Variants in GOLGA8M observed in about 807,000 individuals in gnomAD.
GOLGA8M encodes the protein golgin A8 family member M, also known as golgin subfamily A member 8M.
A neutral mutation model predicts 87.7 loss-of-function variants in GOLGA8M; 34 were observed. That is an observed-to-expected ratio of 0.39 (90% CI 0.29 to 0.52). The LOEUF (loss-of-function observed/expected upper bound fraction) is 0.52. Among genes scored for constraint, GOLGA8M ranks in the 20% least tolerant of loss-of-function variants. The probability of loss-of-function intolerance (pLI) is 0.80; values close to 1 mark genes in which losing one functional copy is unlikely to be tolerated. For synonymous variants in GOLGA8M, 138 were observed against 250.2 expected (o/e 0.55, Z 4.23); for missense variants, 396 against 682.2 (o/e 0.58, Z 4.67).
In GOLGA8M at chr15:28,705,467, A is replaced by C; in HGVS notation, c.1131+16T>G. The C allele has an allele frequency of 1.3e-6, 2 of 1,548,340 alleles. No individual in the cohort carries two copies. Among genetic ancestry groups the C allele is most frequent in the South Asian group, 2.3e-5 (2 of 86,544 alleles). On this transcript the variant is annotated intron_variant, in intron 12 of 18. Transcript: ENST00000563027. ...GGCTAGGGAGGAGGGCAAGCTCCCC[A>C]GTTTGGGCAACGCACCGGCTCCTCG... is the stretch of plus-strand genomic sequence containing the variant.
At chr15:28,711,782 C>T (rs2080203152) in intron 1 of GOLGA8M, 1 of 983,666 alleles carries the variant, frequency 1.0e-6, no homozygotes, top group Admixed American at 6.2e-5. Flanking sequence ...GTCGCTGCTC[C>T]ACGATGGGGG....
chr15:28,706,763 T>A, intron 8 of GOLGA8M, 64 bp from the exon 9 acceptor site: 2 of 1,455,628 alleles, frequency 1.4e-6, no homozygotes, highest in South Asian at 1.2e-5. Context: ...CAGTGCCCCT[T>A]AACAGGGCTC....
rs2140924886 is a variant in GOLGA8M, at chr15:28,705,733, G to T, written c.881C>A (p.Pro294His). ...LSKLKNQMAE[P>H]LPPEPPAVPS... is the part of the protein sequence containing the mutation. Reference sequence around the variant, plus strand: ...CACTGCTGGGGGCTCCGGGGGCAAGGGTTCAGCTGAGAAAGGAAGCAGACA... The same window carrying T: ...CACTGCTGGGGGCTCCGGGGGCAAGTGTTCAGCTGAGAAAGGAAGCAGACA... Residue 294 changes from proline to histidine, a missense_variant, in exon 12 of 19, where the codon CCC becomes CAC. By Grantham distance (77) the Pro-to-His change is moderately conservative. Coordinates refer to ENST00000563027, the MANE Select transcript of GOLGA8M (RefSeq NM_001282468.3). 3 of 1,567,024 alleles carry T rather than the reference G, an allele frequency of 1.9e-6. No individual in the cohort carries two copies. The highest frequency in any genetic ancestry group is 3.3e-5 in the East Asian group (1 of 30,316).
chr15:28,701,293 T>A lies in GOLGA8M; in HGVS notation c.*661A>T, dbSNP rs1410769847. On this transcript the variant is annotated 3_prime_UTR_variant, in exon 19 of 19. Transcript: ENST00000563027. ...AAACACACTCTATCCTGCACATACC[T>A]GCCAGAGGAAGCCACTTTCCTCTTC... 1.3e-5 allele frequency among the ~76,000 whole-genome samples: 2 copies of A among 151,342 alleles called. No homozygotes were observed. Among genetic ancestry groups the A allele is most frequent in the Non-Finnish European group, 2.9e-5 (2 of 68,028 alleles).
chr15:28,712,995 C>T (rs1044298717), upstream of GOLGA8M, among the ~76,000 whole-genome samples: 14 of 149,164 alleles, frequency 9.4e-5, no homozygotes, highest in African/African-American at 3.5e-4. Flanking sequence ...CCTATGTTTT[C>T]GTTAAGATTT....
intron 13 of GOLGA8M, among the ~76,000 whole-genome samples, chr15:28,704,131 A>G (rs692060): frequency 0.098 from 13,002 of 132,974 alleles, 1,454 homozygotes; most frequent in African/African-American, 0.24. Flanking sequence ...TCACAGGTCA[A>G]CTGCTGATAG....
At chr15:28,704,625 T>G (rs745416164) in intron 13 of GOLGA8M, among the ~76,000 whole-genome samples, 1 of 146,132 alleles carries the variant, frequency 6.8e-6, no homozygotes, top group Non-Finnish European at 1.5e-5. Context: ...TGGCCCAGGC[T>G]GGAGTGCAGT....
intron 8 of GOLGA8M, among the ~76,000 whole-genome samples, chr15:28,707,305 C>G (rs2080062521): frequency 7.3e-6 from 1 of 137,066 alleles, no homozygotes; most frequent in Non-Finnish European, 1.5e-5. Flanking sequence ...TTGCTCTCTC[C>G]TGAATTTTTT....
chr15:28,701,774 A>C lies in GOLGA8M; in HGVS notation c.*180T>G, dbSNP rs1180249926. 6.6e-6 allele frequency among the ~76,000 whole-genome samples: 1 copy of C among 151,924 alleles called. No homozygotes were observed. The highest frequency in any genetic ancestry group is 1.5e-5 in the Non-Finnish European group (1 of 67,974). On this transcript the variant is annotated 3_prime_UTR_variant, in exon 19 of 19. Transcript: ENST00000563027. ...GCCAGAGTGAACATCAGTGAGAGCC[A>C]CAGACACCCACTCTCTTTTAACTTT...
Position 28,702,665 on chromosome 15 carries a change from G to A in GOLGA8M, c.1449C>T (p.Tyr483=). Reference sequence around the variant, plus strand: ...CTCACTGATGGCATCTCTCTTGCCAGTATTGAATGAAGCGAAGTTCTTGTT... The same window carrying A: ...CTCACTGATGGCATCTCTCTTGCCAATATTGAATGAAGCGAAGTTCTTGTT... ...VKKQELRFIQ[Y]WQERCHQKIH... The change falls in exon 16 of 19, where the codon TAC becomes TAT. Residue 483 remains tyrosine (Y), a synonymous_variant. Transcript: ENST00000563027. The A allele has an allele frequency of 6.2e-7, 1 of 1,608,270 alleles. No individual in the cohort carries two copies. The highest frequency in any genetic ancestry group is 2.2e-5 in the East Asian group (1 of 44,762).
At position 28,701,861 on chromosome 15, in the gene GOLGA8M, C is replaced by G; in HGVS notation, c.*93G>C. The G allele has an allele frequency of 1.9e-6, 2 of 1,054,924 alleles. No homozygotes were observed. Among genetic ancestry groups the G allele is most frequent in the Non-Finnish European group, 1.4e-6 (1 of 737,718 alleles). The allele number at this position is 1,054,924 out of a possible 1,614,324, so 65.3% of individuals were successfully genotyped here. On this transcript the variant is annotated 3_prime_UTR_variant, in exon 19 of 19. Coordinates refer to ENST00000563027, the MANE Select transcript of GOLGA8M (RefSeq NM_001282468.3). ...AATAATCATGAGTGACTCTAACATT[C>G]AAAGGAAGTAAATGAATTGTGTAGG...
chr15:28,711,420 T>C, intron 1 of GOLGA8M: 2 of 820,026 alleles, frequency 2.4e-6, no homozygotes, highest in Non-Finnish European at 2.9e-6. Flanking sequence ...CTCTGGAAAG[T>C]AGAAGCCTGG....
rs779790821 is a variant in GOLGA8M at position 28,702,271 on chromosome 15, C to T, written c.1666G>A (p.Glu556Lys). 3 of 1,562,956 alleles carry T rather than the reference C, an allele frequency of 1.9e-6. No homozygotes were observed. Among genetic ancestry groups the T allele is most frequent in the South Asian group, 1.1e-5 (1 of 87,690 alleles). ...GGAGCTGGGGCTCCTGGACCGGGCT[C>T]ATCAGCAGAGTTGTGGGCAGCGGCC... ...FLAAAHNSAD[E>K]PGPGAPAPQE... The change falls in exon 18 of 19, where the codon GAG (glutamate) becomes AAG (lysine). Residue 556 changes from glutamate (E) to lysine (K), a missense_variant. Physicochemically the swap from Glu to Lys is moderately conservative, Grantham distance 56. Coordinates refer to ENST00000563027, the MANE Select transcript of GOLGA8M (RefSeq NM_001282468.3).
rs1435417069 is a variant in GOLGA8M at position 28,710,000 on chromosome 15, G to C, written c.169-412C>G. On this transcript the variant is annotated intron_variant, in intron 2 of 18. Transcript: ENST00000563027. Reference sequence around the variant, plus strand: ...CCTCTATTATACAGATGTGAAAAGAGAGGCCCGATGAGGTCTAGCAACTTG... The same window carrying C: ...CCTCTATTATACAGATGTGAAAAGACAGGCCCGATGAGGTCTAGCAACTTG... Among the ~76,000 whole-genome samples, 4 of 143,552 alleles carry C rather than the reference G, an allele frequency of 2.8e-5. 1 individual carries two copies. Among genetic ancestry groups the C allele is most frequent in the Non-Finnish European group, 5.9e-5 (4 of 67,704 alleles). 94.2% of individuals were successfully genotyped at this position (143,552 alleles called of 152,430 possible). A position where few individuals can be genotyped will look rare whatever the true frequency, so the allele number is the denominator to read the frequency against.
rs765012931 is a variant in GOLGA8M, at chr15:28,702,612, G to T, written c.1469+33C>A. On this transcript the variant is annotated intron_variant, in intron 16 of 18. Transcript: ENST00000563027. ...CTGGGGCCCCTCCGACGGTCCTGCA[G>T]CTCCCCCTGCCGTGCCCTGGCCTCC... is the stretch of plus-strand genomic sequence containing the variant. 5.6e-6 allele frequency: 9 copies of T among 1,610,164 alleles called. No homozygotes were observed. In the African/African-American group the frequency reaches 1.2e-4, roughly 22 times the overall value.
chr15:28,702,255 G>T lies in GOLGA8M; in HGVS notation c.1682C>A (p.Ala561Asp). The change falls in exon 18 of 19, where the codon GCC becomes GAC. Residue 561 changes from alanine to aspartate, a missense_variant. Physicochemically the swap from Ala to Asp is moderately radical, Grantham distance 126. Around this residue, in one of 12 missense-constraint regions of GOLGA8M, gnomAD observed 173 missense variants for 150.2 expected, o/e 1.15. Transcript: ENST00000563027. ...AGCCCCAAGCTCCTGGGGAGCTGGGGCTCCTGGACCGGGCTCATCAGCAGA... is the reference window on the plus strand; with the variant it reads ...AGCCCCAAGCTCCTGGGGAGCTGGGTCTCCTGGACCGGGCTCATCAGCAGA... ...HNSADEPGPG[A>D]PAPQELGAAD... 2 of 1,577,586 alleles carry T rather than the reference G, an allele frequency of 1.3e-6. No homozygotes were observed.
intron 13 of GOLGA8M, among the ~76,000 whole-genome samples, chr15:28,704,632 C>T (rs1337358004): frequency 6.9e-6 from 1 of 145,484 alleles, no homozygotes; most frequent in East Asian, 2.7e-4. Context: ...GGCTGGAGTG[C>T]AGTGGTGCAA....
rs1262152793 is a variant in GOLGA8M, at chr15:28,700,694, C to G, written c.*1260G>C. Among the ~76,000 whole-genome samples the G allele has an allele frequency of 5.3e-5, 8 of 151,248 alleles. No homozygotes were observed. The highest frequency in any genetic ancestry group is 1.9e-4 in the African/African-American group (8 of 41,076). On this transcript the variant is annotated 3_prime_UTR_variant, in exon 19 of 19. Coordinates refer to ENST00000563027, the MANE Select transcript of GOLGA8M (RefSeq NM_001282468.3). ...CATATATTAGTTTATAATAATGTTT[C>G]TATTATTTTTTAAAGTGTTTTCCAT...
rs2079791871 is a variant in GOLGA8M, at chr15:28,701,780, A to AC, written c.*173dup. ...GTGAACATCAGTGAGAGCCACAGAC[A>AC]CCCACTCTCTTTTAACTTTTTACAA... On this transcript the variant is annotated 3_prime_UTR_variant, in exon 19 of 19. Coordinates refer to ENST00000563027, the MANE Select transcript of GOLGA8M (RefSeq NM_001282468.3). 6.6e-6 allele frequency among the ~76,000 whole-genome samples: 1 copy of AC among 151,860 alleles called. No individual in the cohort carries two copies. Among genetic ancestry groups the AC allele is most frequent in the Non-Finnish European group, 1.5e-5 (1 of 67,960 alleles).
Sources: allele counts gnomAD v4.1 joint callset (sites outside exome capture counted in the v4.1 genomes callset), GRCh38; gene constraint gnomAD v4.1.1; regional missense constraint gnomAD v4.1.1; transcripts MANE v1.5; gene names NCBI Gene and HGNC (gene_info 2026-07-23, HGNC 2026-07-21).